Variants in TGFBR3 observed in about 807,000 individuals in gnomAD.
The protein encoded by TGFBR3 is transforming growth factor beta receptor type 3.
A neutral mutation model predicts 87.9 loss-of-function variants in TGFBR3; 46 were observed. The observed-to-expected ratio is 0.52, with a 90% CI of 0.41 to 0.67. TGFBR3 has a LOEUF of 0.67. Among genes scored for constraint, TGFBR3 ranks in the 30% least tolerant of loss-of-function variants. The pLI is 0.00. For missense variants in TGFBR3, 866 were observed against 1,041.9 expected, an observed-to-expected ratio of 0.83 and a Z score of 2.32; for synonymous variants, 381 against 391.6, an observed-to-expected ratio of 0.97 and a Z score of 0.32.
At chr1:91,897,873 T>G (rs1345618965) in intron 2 of TGFBR3, among the ~76,000 whole-genome samples, 1 of 152,054 alleles carries the variant, frequency 6.6e-6, no homozygotes, top group Admixed American at 6.6e-5. Flanking sequence ...TTTGACAAAT[T>G]TTTTGTCTTT....
intron 1 of TGFBR3, among the ~76,000 whole-genome samples, chr1:91,872,039 T>A (rs1004483461): frequency 2.6e-5 from 4 of 152,228 alleles, no homozygotes; most frequent in African/African-American, 9.6e-5. Flanking sequence ...CTAGACAATT[T>A]ATTTTCAATG....
chr1:91,783,846 G>A (rs1268757268), intron 3 of TGFBR3, among the ~76,000 whole-genome samples: 4 of 152,188 alleles, frequency 2.6e-5, no homozygotes, highest in Non-Finnish European at 5.9e-5. Flanking sequence ...ACACGGTAGA[G>A]TAAAATGCCC....
At chr1:91,808,278 TAATTA>T (rs893851066) in intron 2 of TGFBR3, among the ~76,000 whole-genome samples, 4 of 152,178 alleles carry the variant, frequency 2.6e-5, no homozygotes, top group African/African-American at 9.7e-5. Context: ...AAAATTTTTT[TAATTA>T]AATTAAACTA....
chr1:91,722,489 A>G (rs1672405218), intron 7 of TGFBR3, among the ~76,000 whole-genome samples: 1 of 34,604 alleles, frequency 2.9e-5, no homozygotes, highest in Non-Finnish European at 5.3e-5. Context: ...CATATGTATA[A>G]TAAACTTTCC....
In TGFBR3 at chr1:91,840,319, C is replaced by CA. The variant is rs1165318811; in HGVS notation, c.61+21151dup. On this transcript the variant is annotated intron_variant, in intron 2 of 16. Coordinates refer to ENST00000212355, the MANE Select transcript of TGFBR3 (RefSeq NM_003243.5). ...CCTGGGCAACAGAGCAAGACTCTGT[C>CA]AAAAAAAAAAAAAAAATCAATTGTT... Among the ~76,000 whole-genome samples the CA allele has an allele frequency of 3.7e-3, 369 of 100,942 alleles. 2 individuals carry two copies. Among genetic ancestry groups the CA allele is most frequent in the Middle Eastern group, 0.012 (2 of 166 alleles). 66.2% of individuals were successfully genotyped at this position (100,942 alleles called of 152,430 possible).
At chr1:91,718,063 T>C (rs776483517) in intron 10 of TGFBR3, among the ~76,000 whole-genome samples, 1 of 152,148 alleles carries the variant, frequency 6.6e-6, no homozygotes, top group Non-Finnish European at 1.5e-5. Flanking sequence ...GGTTAATAAA[T>C]TAATTATTTG....
At chr1:91,782,253 G>A (rs190575582) in intron 3 of TGFBR3, among the ~76,000 whole-genome samples, 1 of 152,296 alleles carries the variant, frequency 6.6e-6, no homozygotes, top group Admixed American at 6.5e-5. Context: ...CAGAATAGAA[G>A]GGAGGGTGAT....
upstream of TGFBR3, among the ~76,000 whole-genome samples, chr1:91,888,106 T>C (rs1341484523): frequency 6.6e-6 from 1 of 152,154 alleles, no homozygotes; most frequent in East Asian, 1.9e-4. Flanking sequence ...TGATAGTGAA[T>C]AAGTCTCACG....
At chr1:91,891,743 T>C (rs1280158507) in intron 2 of TGFBR3, among the ~76,000 whole-genome samples, 1 of 152,190 alleles carries the variant, frequency 6.6e-6, no homozygotes, top group Non-Finnish European at 1.5e-5. Flanking sequence ...AACTACAGTA[T>C]CTGCCCTTAT....
At chr1:91,798,857 G>A (rs542673350) in intron 2 of TGFBR3, among the ~76,000 whole-genome samples, 2 of 152,322 alleles carry the variant, frequency 1.3e-5, no homozygotes, top group South Asian at 4.1e-4. Context: ...TTGGCTGTAG[G>A]GAATAAGGGA....
At chr1:91,717,884 T>TA (rs995411487) in intron 10 of TGFBR3, among the ~76,000 whole-genome samples, 268 of 151,978 alleles carry the variant, frequency 1.8e-3, no homozygotes, top group African/African-American at 6.2e-3. Context: ...CTTTTTTTTT[T>TA]TTTTATTTTT....
intron 16 of TGFBR3, among the ~76,000 whole-genome samples, chr1:91,687,939 A>C (rs1671144276): frequency 6.6e-6 from 1 of 152,258 alleles, no homozygotes; most frequent in Non-Finnish European, 1.5e-5. Context: ...ATTTTCTATC[A>C]ATTAATGTCT....
At chr1:91,840,038 G>A (rs527611551) in intron 2 of TGFBR3, among the ~76,000 whole-genome samples, 21 of 152,036 alleles carry the variant, frequency 1.4e-4, no homozygotes, top group Non-Finnish European at 2.4e-4. Flanking sequence ...GGCCAGGCAC[G>A]GTGGCTCACG....
chr1:91,691,642 C>A (rs1173689691), intron 16 of TGFBR3, among the ~76,000 whole-genome samples: 1 of 152,170 alleles, frequency 6.6e-6, no homozygotes, highest in African/African-American at 2.4e-5. Flanking sequence ...ATACATGACA[C>A]AGGACATCCA....
intron 2 of TGFBR3, among the ~76,000 whole-genome samples, chr1:91,819,549 A>G (rs1326865037): frequency 6.6e-6 from 1 of 152,212 alleles, no homozygotes; most frequent in Non-Finnish European, 1.5e-5. Flanking sequence ...GAGAGGGCCT[A>G]CAGGCATCAG....
At position 91,799,173 on chromosome 1, in the gene TGFBR3, A is replaced by T. The variant is rs1314461351; in HGVS notation, c.62-1702T>A. Among the ~76,000 whole-genome samples the T allele has an allele frequency of 2.6e-5, 4 of 152,370 alleles. No homozygotes were observed. The East Asian group carries it at 5.8e-4, about 22-fold the overall frequency. Reference sequence around the variant, plus strand: ...GTTCAGAACCAGCCAGTCTGCACCCAGAAGCAGACACCCTGCCTGGTGGGC... The same window carrying T: ...GTTCAGAACCAGCCAGTCTGCACCCTGAAGCAGACACCCTGCCTGGTGGGC... On this transcript the variant is annotated intron_variant, in intron 2 of 16. Transcript: ENST00000212355.
rs532433944 is a variant in TGFBR3 at position 91,719,614 on chromosome 1, C to T, written c.1414-150G>A. On this transcript the variant is annotated intron_variant, in intron 9 of 16. Transcript: ENST00000212355. ...CCCCAAGTATCTCTTCCCAGCTGCC[C>T]ACCTCTCAACAGCTCAAGGGTAGTA... is the stretch of plus-strand genomic sequence containing the variant. 27 of 1,017,094 alleles carry T rather than the reference C, an allele frequency of 2.7e-5. No individual in the cohort carries two copies. The African/African-American group carries it at 3.0e-4, about 11-fold the overall frequency. 63.0% of individuals were successfully genotyped at this position (1,017,094 alleles called of 1,614,324 possible).
intron 5 of TGFBR3, among the ~76,000 whole-genome samples, chr1:91,733,341 C>A (rs558956604): frequency 1.1e-4 from 16 of 152,306 alleles, no homozygotes; most frequent in Middle Eastern, 3.4e-3. Flanking sequence ...GTTCACTTAG[C>A]CCTCCACTAA....
intron 3 of TGFBR3, among the ~76,000 whole-genome samples, chr1:91,788,211 C>T (rs1441126178): frequency 2.0e-5 from 3 of 152,228 alleles, no homozygotes; most frequent in Non-Finnish European, 4.4e-5. Flanking sequence ...GTCACCGCTA[C>T]ACCCTCTGGC....
Sources: gnomAD v4.1 joint callset for allele counts (sites outside exome capture counted in the v4.1 genomes callset) on GRCh38, gnomAD v4.1.1 for gene constraint, MANE v1.5 for transcripts, NCBI Gene and HGNC (gene_info 2026-07-23, HGNC 2026-07-21) for gene names.